MVB12B: variants seen among roughly 807,000 people sequenced by gnomAD.
The protein encoded by MVB12B is multivesicular body subunit 12B, also known as ESCRT-I complex subunit MVB12B.
Under a neutral mutation model 41.6 loss-of-function variants are expected in MVB12B, and 16 were observed. The ratio of observed to expected loss-of-function variants is 0.38; its 90% CI spans 0.26 to 0.58. The LOEUF (loss-of-function observed/expected upper bound fraction) is 0.58, where lower values mean the gene tolerates loss of function less well. Ranked by LOEUF, MVB12B falls within the 20% of genes least tolerant of loss-of-function variation. The pLI, the probability that MVB12B is intolerant of heterozygous loss-of-function variation, is 0.62. For missense variants in MVB12B, 274 were observed against 380.2 expected (o/e 0.72, Z 2.32); for synonymous variants, 133 against 139.7 (o/e 0.95, Z 0.34).
chr9:126,497,653 T>TCCTGGCTTCTCCCTACCC (rs375889163), intron 9 of MVB12B, among the ~76,000 whole-genome samples: 2,261 of 152,226 alleles, frequency 0.015, 63 homozygotes, highest in African/African-American at 0.051. Flanking sequence ...GAGGTGAGCA[T>TCCTGGCTTCTCCCTACCC]CCTGGCTTCT....
intron 6 of MVB12B, chr9:126,408,142 C>T (rs757262787): frequency 3.9e-5 from 6 of 152,216 alleles, no homozygotes; most frequent in African/African-American, 2.4e-5. Context: ...TATTTAAGGG[C>T]GAGCTGCCGG....
At chr9:126,411,863 C>G (rs1280101533) in intron 6 of MVB12B, among the ~76,000 whole-genome samples, 2 of 152,208 alleles carry the variant, frequency 1.3e-5, no homozygotes, top group African/African-American at 4.8e-5. Context: ...CTTCACAGAT[C>G]TCAATCGTAA....
At chr9:126,385,722 C>T (rs141651955) in intron 3 of MVB12B, among the ~76,000 whole-genome samples, 53 of 152,218 alleles carry the variant, frequency 3.5e-4, no homozygotes, top group Middle Eastern at 3.4e-3. Context: ...CTGGCTCTGA[C>T]GAGAGAGGGG....
intron 2 of MVB12B, among the ~76,000 whole-genome samples, chr9:126,361,582 G>T (rs1444561855): frequency 1.3e-5 from 2 of 151,786 alleles, no homozygotes; most frequent in South Asian, 2.1e-4. Flanking sequence ...CCTTCAGCCT[G>T]AGGAACTTTT....
At chr9:126,501,364 G>C (rs1431756784) in intron 9 of MVB12B, among the ~76,000 whole-genome samples, 1 of 152,230 alleles carries the variant, frequency 6.6e-6, no homozygotes, top group Non-Finnish European at 1.5e-5. Context: ...GGAGAGGAGA[G>C]GAGCCTGCCT....
At position 126,476,885 on chromosome 9, in the gene MVB12B, A is replaced by G. The variant is rs35556941; in HGVS notation, c.758-4484A>G. Among the ~76,000 whole-genome samples the G allele has an allele frequency of 5.5e-3, 840 of 151,744 alleles. 4 individuals are homozygous for G. The highest frequency in any genetic ancestry group is 8.3e-3 in the Non-Finnish European group (566 of 67,822). ...GAGCGAGACTCCATCTCAAAAAAAA[A>G]AAAAAAAAAAAATGTAAATCTATAA... On this transcript the variant is annotated intron_variant, in intron 7 of 9. Coordinates refer to ENST00000361171, the MANE Select transcript of MVB12B (RefSeq NM_033446.3).
At chr9:126,358,134 A>C (rs978009450) in intron 2 of MVB12B, among the ~76,000 whole-genome samples, 4 of 152,192 alleles carry the variant, frequency 2.6e-5, no homozygotes, top group African/African-American at 9.6e-5. Context: ...TCGTAGATGT[A>C]TAGGCACATT....
Position 126,367,989 on chromosome 9 carries a change from G to A in MVB12B, c.205-13075G>A, listed in dbSNP as rs1447134016. On this transcript the variant is annotated intron_variant, in intron 2 of 9. Coordinates refer to ENST00000361171, the MANE Select transcript of MVB12B (RefSeq NM_033446.3). The surrounding 1 kb of genome is among the most constrained non-coding windows in gnomAD (Gnocchi z 4.3). Reference sequence around the variant, plus strand: ...GACTTGTGTCCTGAAGAGATGAATTGCAGCTTAGTGATGATGGCACATGCT... The same window carrying A: ...GACTTGTGTCCTGAAGAGATGAATTACAGCTTAGTGATGATGGCACATGCT... 1.3e-5 allele frequency among the ~76,000 whole-genome samples: 2 copies of A among 152,216 alleles called. No individual in the cohort carries two copies. The highest frequency in any genetic ancestry group is 4.8e-5 in the African/African-American group (2 of 41,448).
At chr9:126,352,134 A>G (rs533168251) in intron 2 of MVB12B, among the ~76,000 whole-genome samples, 4 of 152,206 alleles carry the variant, frequency 2.6e-5, no homozygotes, top group Non-Finnish European at 4.4e-5. Flanking sequence ...GCTGTTACAG[A>G]TGTCTGAAAA....
At chr9:126,476,185 A>G (rs1833415342) in intron 7 of MVB12B, among the ~76,000 whole-genome samples, 1 of 144,982 alleles carries the variant, frequency 6.9e-6, no homozygotes, top group Non-Finnish European at 1.6e-5. Context: ...GGCATCCCGC[A>G]ATGGTCTCAC....
intron 2 of MVB12B, among the ~76,000 whole-genome samples, chr9:126,359,007 T>G (rs1829957813): frequency 6.6e-6 from 1 of 152,196 alleles, no homozygotes; most frequent in African/African-American, 2.4e-5. Flanking sequence ...TTTCATCACA[T>G]GCTTTATCTG....
chr9:126,348,817 C>T (rs1207853153), intron 2 of MVB12B, among the ~76,000 whole-genome samples: 1 of 152,150 alleles, frequency 6.6e-6, no homozygotes, highest in Non-Finnish European at 1.5e-5. Flanking sequence ...TGTTTACCCC[C>T]CACCAATGGT....
Position 126,436,802 on chromosome 9 carries a change from T to G in MVB12B, c.757+14854T>G, listed in dbSNP as rs1175270628. On this transcript the variant is annotated intron_variant, in intron 7 of 9. Coordinates refer to ENST00000361171, the MANE Select transcript of MVB12B (RefSeq NM_033446.3). The surrounding 1 kb of genome is among the most constrained non-coding windows in gnomAD (Gnocchi z 4.1). ...TCATGAACTAGTAAGGGAATGGCCC[T>G]TCCTGGGTCAATTTTTTAAAAGCGA... 6.6e-6 allele frequency among the ~76,000 whole-genome samples: 1 copy of G among 152,238 alleles called. No homozygotes were observed.
chr9:126,398,206 A>T (rs1831172233), intron 6 of MVB12B, among the ~76,000 whole-genome samples: 1 of 151,496 alleles, frequency 6.6e-6, no homozygotes, highest in African/African-American at 2.4e-5. Flanking sequence ...TTCTTCTGTG[A>T]GCGCTTCCGG....
chr9:126,386,097 T>C lies in MVB12B; in HGVS notation c.313-465T>C, dbSNP rs80164291. Among the ~76,000 whole-genome samples the C allele has an allele frequency of 0.024, 3,631 of 152,278 alleles. 120 individuals carry two copies. Among genetic ancestry groups the C allele is most frequent in the African/African-American group, 0.081 (3,359 of 41,534 alleles). ...TGCAGAATGTATCTAGCAACTGAAA[T>C]GTGTGTCAGTATGCAGACTGGTGAT... is the stretch of plus-strand genomic sequence containing the variant. On this transcript the variant is annotated intron_variant, in intron 3 of 9. Coordinates refer to ENST00000361171, the MANE Select transcript of MVB12B (RefSeq NM_033446.3). This position sits in a 1 kb window ranked among gnomAD's most constrained non-coding sequence, Gnocchi z 4.3.
chr9:126,470,606 C>T (rs1176463245), intron 7 of MVB12B, among the ~76,000 whole-genome samples: 1 of 150,746 alleles, frequency 6.6e-6, no homozygotes, highest in African/African-American at 2.4e-5. Flanking sequence ...CAATTACAGT[C>T]TTCTGTGTAG....
chr9:126,433,708 C>G (rs1283064973), intron 7 of MVB12B, among the ~76,000 whole-genome samples: 1 of 152,130 alleles, frequency 6.6e-6, no homozygotes, highest in Non-Finnish European at 1.5e-5. Flanking sequence ...GATTACTGAG[C>G]CATTGCAGCC....
chr9:126,401,275 G>C (rs945635710), intron 6 of MVB12B, among the ~76,000 whole-genome samples: 21 of 152,252 alleles, frequency 1.4e-4, no homozygotes, highest in Admixed American at 1.4e-3. Context: ...GTGTCAGCCA[G>C]GCCTGGGTTG....
chr9:126,402,874 G>T (rs190134331), intron 6 of MVB12B, among the ~76,000 whole-genome samples: 3 of 152,212 alleles, frequency 2.0e-5, no homozygotes, highest in Non-Finnish European at 4.4e-5. Context: ...AGACTGTAGC[G>T]CAGGGTTCTT....
Sources: allele counts gnomAD v4.1 joint callset (sites outside exome capture counted in the v4.1 genomes callset), GRCh38; gene constraint gnomAD v4.1.1; non-coding constraint Gnocchi (gnomAD v3.1); transcripts MANE v1.5; gene names NCBI Gene and HGNC (gene_info 2026-07-23, HGNC 2026-07-21).